The following MSRB3 variants were observed in gnomAD, a reference collection of about 807,000 sequenced individuals.
The protein encoded by MSRB3 is methionine sulfoxide reductase B3.
In MSRB3, 13 loss-of-function variants were observed where a neutral mutation model predicts 21.0. That is an observed-to-expected ratio of 0.62 (90% CI 0.40 to 0.98). MSRB3 has a LOEUF of 0.98. MSRB3 is among the 50% of genes least tolerant of loss of function. MSRB3 has a pLI of 0.00. For synonymous variants in MSRB3, 87 were observed against 88.6 expected (o/e 0.98, Z 0.10); for missense variants, 199 against 230.3 (o/e 0.86, Z 0.88).
intron 5 of MSRB3, among the ~76,000 whole-genome samples, chr12:65,408,725 G>T (rs1303571481): frequency 6.6e-6 from 1 of 152,110 alleles, no homozygotes; most frequent in Non-Finnish European, 1.5e-5. Context: ...AGACAACAAA[G>T]CTAGAAAGGG....
At chr12:65,387,713 C>T (rs1879264649) in intron 5 of MSRB3, among the ~76,000 whole-genome samples, 1 of 152,080 alleles carries the variant, frequency 6.6e-6, no homozygotes, top group Non-Finnish European at 1.5e-5. Context: ...ATAATGCCTA[C>T]CTCAATGTTA....
At chr12:65,375,202 C>G (rs922607631) in intron 5 of MSRB3, among the ~76,000 whole-genome samples, 1 of 152,046 alleles carries the variant, frequency 6.6e-6, no homozygotes, top group Non-Finnish European at 1.5e-5. Flanking sequence ...CTCTTCATCC[C>G]GTTTTCTAAA....
chr12:65,453,681 G>T, intron 5 of MSRB3, 47 bp from the exon 6 acceptor site: 1 of 1,359,222 alleles, frequency 7.4e-7, no homozygotes. Flanking sequence ...ACCCAAGGCT[G>T]TGTATCTCTC....
Position 65,307,035 on chromosome 12 carries a change from A to C in MSRB3, c.-51-1494A>C, listed in dbSNP as rs1873693670. ...GACTGCAGCTTTGCTAAGTAATTAC[A>C]TTTACTGTGTGTGCTTTATTCCTCA... is the stretch of plus-strand genomic sequence containing the variant. On this transcript the variant is annotated intron_variant, in intron 1 of 6. Coordinates refer to ENST00000308259, the MANE Select transcript of MSRB3 (RefSeq NM_001031679.3). The C allele has an allele frequency of 5.1e-6, 5 of 985,756 alleles. No individual in the cohort carries two copies. In the South Asian group the frequency reaches 1.9e-4, roughly 37 times the overall value. 61.1% of individuals were successfully genotyped at this position (985,756 alleles called of 1,614,324 possible).
chr12:65,419,390 G>A (rs1177532802), intron 5 of MSRB3: 7 of 750,806 alleles, frequency 9.3e-6, no homozygotes, highest in African/African-American at 6.8e-5. Flanking sequence ...TTCATTAAGA[G>A]CAGCTCCTCC....
chr12:65,405,518 C>G (rs1398461017), intron 5 of MSRB3, among the ~76,000 whole-genome samples: 2 of 151,930 alleles, frequency 1.3e-5, no homozygotes, highest in African/African-American at 2.4e-5. Flanking sequence ...CATTCCATAT[C>G]TTGGCTATTA....
chr12:65,407,343 T>G (rs1565877837), intron 5 of MSRB3, among the ~76,000 whole-genome samples: 2 of 152,114 alleles, frequency 1.3e-5, no homozygotes, highest in Non-Finnish European at 2.9e-5. Flanking sequence ...GGTATGTTTT[T>G]TTTTTTTCTT....
intron 1 of MSRB3, among the ~76,000 whole-genome samples, chr12:65,301,767 G>T (rs1202838027): frequency 1.3e-5 from 2 of 152,106 alleles, no homozygotes; most frequent in Non-Finnish European, 2.9e-5. Context: ...ATCTGAAAAG[G>T]TTATTAAAAT....
chr12:65,410,195 C>A (rs1311128114), intron 5 of MSRB3, among the ~76,000 whole-genome samples: 1 of 151,836 alleles, frequency 6.6e-6, no homozygotes, highest in East Asian at 1.9e-4. Flanking sequence ...TATTTATGTA[C>A]TTTATTGCTT....
chr12:65,302,783 A>G (rs755606751), intron 1 of MSRB3, among the ~76,000 whole-genome samples: 2 of 152,170 alleles, frequency 1.3e-5, no homozygotes, highest in African/African-American at 2.4e-5. Flanking sequence ...CACTGGGTTG[A>G]TAAGAACAAA....
chr12:65,307,110 G>T (rs1873698371), intron 1 of MSRB3: 7 of 891,368 alleles, frequency 7.9e-6, no homozygotes, highest in Admixed American at 6.2e-5. Context: ...AGTGTTGTGA[G>T]GTATAGACCT....
At position 65,461,903 on chromosome 12, in the gene MSRB3, G is replaced by C. The variant is rs1565902951; in HGVS notation, c.391-1252G>C. The stretch of plus-strand genomic sequence containing the variant: ...GGTCCTTATTCCAAAGTCACCCCAG[G>C]TAGGCCTCTTCTGACCACCCTATCT... On this transcript the variant is annotated intron_variant, in intron 6 of 6. Coordinates refer to ENST00000308259, the MANE Select transcript of MSRB3 (RefSeq NM_001031679.3). 2.6e-5 allele frequency among the ~76,000 whole-genome samples: 4 copies of C among 152,196 alleles called. No individual in the cohort carries two copies. The South Asian group carries it at 6.2e-4, about 24-fold the overall frequency.
At chr12:65,315,655 G>A (rs1378275635) in intron 2 of MSRB3, among the ~76,000 whole-genome samples, 3 of 127,282 alleles carry the variant, frequency 2.4e-5, no homozygotes, top group Admixed American at 9.1e-5. Context: ...GCTACAGGGT[G>A]AGACTCTGTC....
intron 4 of MSRB3, among the ~76,000 whole-genome samples, chr12:65,343,744 G>A (rs1378253783): frequency 1.3e-5 from 2 of 151,986 alleles, no homozygotes; most frequent in Non-Finnish European, 2.9e-5. Context: ...TGGCCCCTAA[G>A]GCACCCTTCC....
At chr12:65,364,288 T>G (rs529711414) in intron 4 of MSRB3, among the ~76,000 whole-genome samples, 1 of 152,292 alleles carries the variant, frequency 6.6e-6, no homozygotes, top group East Asian at 1.9e-4. Flanking sequence ...TGGGAAATAA[T>G]GTGGAAATAT....
intron 4 of MSRB3, among the ~76,000 whole-genome samples, chr12:65,357,163 C>T (rs1457758912): frequency 6.6e-6 from 1 of 151,798 alleles, no homozygotes; most frequent in Non-Finnish European, 1.5e-5. Flanking sequence ...GTTACCGGAG[C>T]AAAAAGCCTA....
intron 1 of MSRB3, among the ~76,000 whole-genome samples, chr12:65,288,454 G>T (rs548018061): frequency 6.6e-6 from 1 of 152,064 alleles, no homozygotes; most frequent in South Asian, 2.1e-4. Context: ...TATCTTGTGC[G>T]ATTCACTATA....
intron 5 of MSRB3, among the ~76,000 whole-genome samples, chr12:65,422,350 C>CCTG (rs1881345343): frequency 7.8e-6 from 1 of 128,034 alleles, no homozygotes; most frequent in African/African-American, 2.9e-5. Context: ...ATATTTAGGA[C>CCTG]CTGAAAATGT....
At chr12:65,314,062 A>G (rs903500091) in intron 2 of MSRB3, among the ~76,000 whole-genome samples, 1 of 152,188 alleles carries the variant, frequency 6.6e-6, no homozygotes, top group Non-Finnish European at 1.5e-5. Flanking sequence ...ATGTTCAAAC[A>G]ATATTTGTAG....
Sources: allele counts gnomAD v4.1 joint callset (sites outside exome capture counted in the v4.1 genomes callset), GRCh38; gene constraint gnomAD v4.1.1; transcripts MANE v1.5; gene names NCBI Gene and HGNC (gene_info 2026-07-23, HGNC 2026-07-21).